The following HAUS3 variants were observed in gnomAD, a reference collection of about 807,000 sequenced individuals.
HAUS3 encodes HAUS augmin like complex subunit 3, also known as HAUS augmin-like complex subunit 3.
A neutral mutation model predicts 55.2 loss-of-function variants in HAUS3; 36 were observed. That is an observed-to-expected ratio of 0.65 (90% CI 0.50 to 0.86). The LOEUF is 0.86. Ranked by LOEUF, HAUS3 falls within the 40% of genes least tolerant of loss-of-function variation. The pLI is 0.00. For missense variants in HAUS3, 752 were observed against 671.5 expected, an observed-to-expected ratio of 1.12 and a Z score of -1.33; for synonymous variants, 234 against 238.6, an observed-to-expected ratio of 0.98 and a Z score of 0.18.
intron 4 of HAUS3, 70 bp downstream of exon 4, chr4:2,238,534 T>A (rs954945483): frequency 1.1e-5 from 11 of 1,030,190 alleles, no homozygotes; most frequent in Non-Finnish European, 1.5e-5. Flanking sequence ...AAATTTTAGC[T>A]CAAACTCTCT....
At chr4:2,232,671 A>G (rs1734624186) in intron 5 of HAUS3, among the ~76,000 whole-genome samples, 1 of 150,894 alleles carries the variant, frequency 6.6e-6, no homozygotes, top group Non-Finnish European at 1.5e-5. Flanking sequence ...AAATAGAATT[A>G]CACATGACAT....
intron 4 of HAUS3, among the ~76,000 whole-genome samples, chr4:2,237,671 AACCT>A (rs1734815231): frequency 6.6e-6 from 1 of 152,216 alleles, no homozygotes; most frequent in Non-Finnish European, 1.5e-5. Flanking sequence ...TACACATCTT[AACCT>A]ACCTATATTA....
chr4:2,236,260 GA>G lies in HAUS3; in HGVS notation c.1545del (p.Gln516LysfsTer13). 1.2e-6 allele frequency: 2 copies of G among 1,612,848 alleles called. No individual in the cohort carries two copies. The highest frequency in any genetic ancestry group is 2.2e-5 in the South Asian group (2 of 91,054). On this transcript the variant is annotated frameshift_variant, in exon 5 of 6. Coordinates refer to ENST00000443786, the MANE Select transcript of HAUS3 (RefSeq NM_001303143.2). LOFTEE classifies it high-confidence loss of function. ...KDVDMLCDTLYQGGNQLLLSD... is the reference protein window; with the variant it reads ...KDVDMLCDTLXQGGNQLLLSD... Reference sequence around the variant, plus strand: ...CTAAGCAAAAGCTGATTTCCTCCTTGATACAAAGTATCACAAAGCATGTCCA... The same window carrying G: ...CTAAGCAAAAGCTGATTTCCTCCTTGTACAAAGTATCACAAAGCATGTCCA...
chr4:2,231,919 A>G lies in HAUS3; in HGVS notation c.*8T>C. 2 of 1,116,102 alleles carry G rather than the reference A, an allele frequency of 1.8e-6. No homozygotes were observed. The highest frequency in any genetic ancestry group is 1.4e-5 in the South Asian group (1 of 71,332). The allele number at this position is 1,116,102 out of a possible 1,614,324, so 69.1% of individuals were successfully genotyped here. The stretch of plus-strand genomic sequence containing the variant: ...GACACGTAATAAAGATTCAGTTTTC[A>G]GTAATTTTCAATCTTCAAGACTAAC... On this transcript the variant is annotated 3_prime_UTR_variant, in exon 6 of 6. Coordinates refer to ENST00000443786, the MANE Select transcript of HAUS3 (RefSeq NM_001303143.2).
In HAUS3 at chr4:2,241,745, C is replaced by G. The variant is rs1214407253; in HGVS notation, c.-373G>C. On this transcript the variant is annotated 5_prime_UTR_variant, in exon 2 of 6. Transcript: ENST00000443786. ...CGCGATACACCAGACGCGCCAGCGG[C>G]AAAACCTTCCTTCGGAGGGTCACCC... is the stretch of plus-strand genomic sequence containing the variant. 1.0e-6 allele frequency: 1 copy of G among 985,376 alleles called. No individual in the cohort carries two copies. The highest frequency in any genetic ancestry group is 1.1e-4 in the East Asian group (1 of 8,822). The allele number at this position is 985,376 out of a possible 1,614,324, so 61.0% of individuals were successfully genotyped here. A position where few individuals can be genotyped will look rare whatever the true frequency, so the allele number is the denominator to read the frequency against.
chr4:2,239,598 T>C (rs956033897), intron 3 of HAUS3, among the ~76,000 whole-genome samples: 1 of 152,196 alleles, frequency 6.6e-6, no homozygotes, highest in Non-Finnish European at 1.5e-5. Flanking sequence ...CATCTATCCA[T>C]ATATTCTCAA....
At chr4:2,232,379 A>G (rs1267136587) in intron 5 of HAUS3, among the ~76,000 whole-genome samples, 4 of 152,310 alleles carry the variant, frequency 2.6e-5, no homozygotes, top group Admixed American at 2.6e-4. Context: ...AAGTGATTCA[A>G]AGGAAACTCT....
At chr4:2,239,303 T>A (rs1036669120) in intron 3 of HAUS3, among the ~76,000 whole-genome samples, 1 of 152,206 alleles carries the variant, frequency 6.6e-6, no homozygotes, top group Admixed American at 6.5e-5. Context: ...TTATACTTCT[T>A]TTAATCAGAA....
chr4:2,235,213 G>A (rs1024846723), intron 5 of HAUS3, among the ~76,000 whole-genome samples: 4 of 152,158 alleles, frequency 2.6e-5, no homozygotes, highest in African/African-American at 9.7e-5. Flanking sequence ...ATCCACCATC[G>A]CAGTGGAAAT....
At chr4:2,241,115 A>G (rs1374212881) in intron 2 of HAUS3, 22 bp from the exon 3 acceptor site, 2 of 556,488 alleles carry the variant, frequency 3.6e-6, no homozygotes, top group Admixed American at 3.7e-5. Flanking sequence ...GAAAACAAGT[A>G]TTAGACCACA....
intron 1 of HAUS3, 98 bp from the exon 2 acceptor site, chr4:2,241,888 C>A: frequency 1.0e-6 from 1 of 985,508 alleles, no homozygotes; most frequent in Non-Finnish European, 1.2e-6. Context: ...CCCAGCTCCT[C>A]GCCCAGCGGA....
At chr4:2,234,400 T>C (rs1256990898) in intron 5 of HAUS3, 1 of 152,532 alleles carries the variant, frequency 6.6e-6, no homozygotes, top group Non-Finnish European at 1.5e-5. Flanking sequence ...AAGGGGGTGA[T>C]GTCTCTGTGT....
chr4:2,239,947 G>A (rs999452675), intron 3 of HAUS3, 91 bp downstream of exon 3: 5 of 922,170 alleles, frequency 5.4e-6, no homozygotes, highest in Non-Finnish European at 8.4e-6. Flanking sequence ...CTTCTCAGAT[G>A]CACCATTCTA....
chr4:2,238,891 T>G lies in HAUS3; in HGVS notation c.1062A>C (p.Gly354=), dbSNP rs1313538968. Reference sequence around the variant, plus strand: ...GTTTAGCAATCTGCAGATCAAAATCTCCCTTTACCACTGGCATATTCAATA... The same window carrying G: ...GTTTAGCAATCTGCAGATCAAAATCGCCCTTTACCACTGGCATATTCAATA... ...AQLLNMPVVK[G]DFDLQIAKQD... Residue 354 remains glycine (G), a synonymous_variant, in exon 4 of 6, where the codon GGA becomes GGC. Transcript: ENST00000443786. The G allele has an allele frequency of 1.2e-6, 2 of 1,613,156 alleles. No individual in the cohort carries two copies.
At chr4:2,233,956 C>T (rs550548979) in intron 5 of HAUS3, among the ~76,000 whole-genome samples, 1 of 152,062 alleles carries the variant, frequency 6.6e-6, no homozygotes, top group South Asian at 2.1e-4. Flanking sequence ...ACAAAAAACC[C>T]CAATGACCCT....
At chr4:2,237,777 A>G (rs539703292) in intron 4 of HAUS3, among the ~76,000 whole-genome samples, 2 of 152,256 alleles carry the variant, frequency 1.3e-5, no homozygotes, top group African/African-American at 2.4e-5. Context: ...TGTAAAATGT[A>G]AATAGTTACA....
chr4:2,239,188 C>T (rs757847654), intron 3 of HAUS3, 145 bp from the exon 4 acceptor site: 14 of 514,256 alleles, frequency 2.7e-5, no homozygotes, highest in African/African-American at 2.3e-4. Flanking sequence ...ACAAAAATTA[C>T]AGTTTAAAAG....
At chr4:2,239,708 T>C (rs1734901040) in intron 3 of HAUS3, among the ~76,000 whole-genome samples, 1 of 152,178 alleles carries the variant, frequency 6.6e-6, no homozygotes, top group Admixed American at 6.6e-5. Flanking sequence ...ATAAAGCAAT[T>C]AGTTTCTAGC....
At position 2,242,036 on chromosome 4, in the gene HAUS3, G is replaced by C; in HGVS notation, c.-419+15C>G. ...CCACACCCCTGCGCCCAGAACCGAGGCCCGCGTCAGTCACCTCAGGAAGTT... is the reference window on the plus strand; with the variant it reads ...CCACACCCCTGCGCCCAGAACCGAGCCCCGCGTCAGTCACCTCAGGAAGTT... On this transcript the variant is annotated intron_variant, in intron 1 of 5. Coordinates refer to ENST00000443786, the MANE Select transcript of HAUS3 (RefSeq NM_001303143.2). 6.1e-6 allele frequency: 6 copies of C among 985,610 alleles called. No homozygotes were observed. Among genetic ancestry groups the C allele is most frequent in the Non-Finnish European group, 7.2e-6 (6 of 830,044 alleles). 61.1% of individuals were successfully genotyped at this position (985,610 alleles called of 1,614,324 possible).
Sources: gnomAD v4.1 joint callset for allele counts (sites outside exome capture counted in the v4.1 genomes callset) on GRCh38, gnomAD v4.1.1 for gene constraint, MANE v1.5 for transcripts, NCBI Gene and HGNC (gene_info 2026-07-23, HGNC 2026-07-21) for gene names.